The following SARDH variants were observed in gnomAD, a reference collection of about 807,000 sequenced individuals.
SARDH encodes sarcosine dehydrogenase, also known as sarcosine dehydrogenase, mitochondrial.
Under a neutral mutation model 109.1 loss-of-function variants are expected in SARDH, and 95 were observed. The observed-to-expected ratio is 0.87, with a 90% CI of 0.74 to 1.03. The LOEUF (loss-of-function observed/expected upper bound fraction) is 1.03. SARDH is among the 50% of genes least tolerant of loss of function. The pLI is 0.00. For synonymous variants in SARDH, 572 were observed against 534.8 expected, an observed-to-expected ratio of 1.07 and a Z score of -0.96; for missense variants, 1,267 against 1,287.8, an observed-to-expected ratio of 0.98 and a Z score of 0.25.
At chr9:133,676,107 C>A (rs2797833) in intron 17 of SARDH, among the ~76,000 whole-genome samples, 32,239 of 83,200 alleles carry the variant, frequency 0.39, 4,106 homozygotes, top group East Asian at 0.62. Flanking sequence ...AAAAAAAAAA[C>A]ACACACCAAA....
rs534871568 is a variant in SARDH at position 133,704,324 on chromosome 9, A to G, written c.1554+624T>C. ...GGGATTTCGATTTCTGTAAATCTGGATCAAATGCTACCCCTCAGCTGGCCT... is the reference window on the plus strand; with the variant it reads ...GGGATTTCGATTTCTGTAAATCTGGGTCAAATGCTACCCCTCAGCTGGCCT... On this transcript the variant is annotated intron_variant, in intron 12 of 20. Coordinates refer to ENST00000439388, the MANE Select transcript of SARDH (RefSeq NM_001134707.2). This position sits in a 1 kb window ranked among gnomAD's most constrained non-coding sequence, Gnocchi z 4.5. Among the ~76,000 whole-genome samples, 249 of 152,252 alleles carry G rather than the reference A, an allele frequency of 1.6e-3. No homozygotes were observed. The highest frequency in any genetic ancestry group is 5.9e-3 in the African/African-American group (245 of 41,546).
intron 17 of SARDH, among the ~76,000 whole-genome samples, chr9:133,675,864 G>A (rs1042712441): frequency 6.6e-6 from 1 of 152,342 alleles, no homozygotes; most frequent in East Asian, 1.9e-4. Flanking sequence ...GCCAAGGCAG[G>A]AGGACTGCTT....
At chr9:133,665,733 G>A (rs1470942883) in intron 20 of SARDH, among the ~76,000 whole-genome samples, 3 of 152,214 alleles carry the variant, frequency 2.0e-5, no homozygotes, top group East Asian at 3.9e-4. Context: ...GGGCCTGCGA[G>A]CTGGGCCTGC....
At position 133,719,004 on chromosome 9, in the gene SARDH, G is replaced by C; in HGVS notation, c.954C>G (p.Tyr318Ter). ...PNVRDHDASV[Y>*]LRLQGDALSV... is the part of the protein sequence containing the mutation. ...ACAAGGCATCCCCTTGGAGGCGGAG[G>C]TAGACAGAGGCATCATGATCACGGA... The change falls in exon 7 of 21, where the codon TAC becomes TAG. Residue 318 changes from tyrosine to a stop codon, truncating the protein, a stop_gained. Coordinates refer to ENST00000439388, the MANE Select transcript of SARDH (RefSeq NM_001134707.2). LOFTEE classifies it high-confidence loss of function. The C allele has an allele frequency of 6.2e-7, 1 of 1,614,226 alleles. No homozygotes were observed. Among genetic ancestry groups the C allele is most frequent in the Non-Finnish European group, 8.5e-7 (1 of 1,180,038 alleles).
chr9:133,703,106 G>T, intron 12 of SARDH, 77 bp from the exon 13 acceptor site: 1 of 1,322,592 alleles, frequency 7.6e-7, no homozygotes, highest in South Asian at 1.3e-5. Context: ...GGGTCCCGCT[G>T]AGGCTGTGAT....
At chr9:133,663,224 G>T (rs539382026), downstream of SARDH, among the ~76,000 whole-genome samples, 1 of 152,366 alleles carries the variant, frequency 6.6e-6, no homozygotes, top group South Asian at 2.1e-4. Context: ...TGGGTGAGGA[G>T]GGCACCAATC....
Position 133,718,166 on chromosome 9 carries a change from G to A in SARDH, c.1021-711C>T, listed in dbSNP as rs1832196131. On this transcript the variant is annotated intron_variant, in intron 7 of 20. Transcript: ENST00000439388. The surrounding 1 kb of genome is among the most constrained non-coding windows in gnomAD (Gnocchi z 4.2). ...GGCTCACTGCCACCTCCATCTCCCG[G>A]GTTCAAGTGATTCTCCTGCCTCAGC... Among the ~76,000 whole-genome samples the A allele has an allele frequency of 6.6e-6, 1 of 152,154 alleles. No individual in the cohort carries two copies. The highest frequency in any genetic ancestry group is 2.4e-5 in the African/African-American group (1 of 41,422).
At chr9:133,732,239 C>T (rs563144328) in intron 3 of SARDH, among the ~76,000 whole-genome samples, 184 bp downstream of exon 3, 4 of 151,992 alleles carry the variant, frequency 2.6e-5, no homozygotes, top group South Asian at 4.1e-4. Flanking sequence ...CTCATCCACA[C>T]GAGCCCCCCA....
At chr9:133,670,491 A>G (rs1172312644) in intron 19 of SARDH, 93 bp downstream of exon 19, 7 of 1,353,380 alleles carry the variant, frequency 5.2e-6, no homozygotes, top group Admixed American at 2.2e-5. Flanking sequence ...AAGTGTTGGT[A>G]CCAGGGGCTT....
At position 133,670,646 on chromosome 9, in the gene SARDH, C is replaced by T. The variant is rs1049985656; in HGVS notation, c.2433G>A (p.Glu811=). ...CTGCGGCCCGCTGCTGCTCCAGGGCCTCCCTCCCCAGGAAGGGCACCGGCG... is the reference window on the plus strand; with the variant it reads ...CTGCGGCCCGCTGCTGCTCCAGGGCTTCCCTCCCCAGGAAGGGCACCGGCG... ...LKSPVPFLGR[E]ALEQQRAAGL... The change falls in exon 19 of 21, where the codon GAG becomes GAA. Residue 811 remains glutamate (E), a synonymous_variant. Transcript: ENST00000439388. 6.3e-7 allele frequency: 1 copy of T among 1,589,428 alleles called. No individual in the cohort carries two copies. Among genetic ancestry groups the T allele is most frequent in the Non-Finnish European group, 8.6e-7 (1 of 1,168,682 alleles).
intron 13 of SARDH, among the ~76,000 whole-genome samples, chr9:133,698,502 C>T (rs1017062038): frequency 6.6e-6 from 1 of 152,230 alleles, no homozygotes; most frequent in African/African-American, 2.4e-5. Flanking sequence ...GCAGAATTCA[C>T]ATTTCTTGAT....
At chr9:133,703,094 C>A in intron 12 of SARDH, 65 bp from the exon 13 acceptor site, 1 of 1,419,944 alleles carries the variant, frequency 7.0e-7, no homozygotes, top group Non-Finnish European at 9.7e-7. Flanking sequence ...CTCCCCAGAG[C>A]GGGGTCCCGC....
chr9:133,720,008 G>A (rs984425441), intron 6 of SARDH, among the ~76,000 whole-genome samples: 1 of 152,178 alleles, frequency 6.6e-6, no homozygotes, highest in African/African-American at 2.4e-5. Context: ...CTATTCGGGA[G>A]GCTGAGGCAG....
intron 1 of SARDH, among the ~76,000 whole-genome samples, chr9:133,734,931 C>A (rs906346137): frequency 1.3e-5 from 2 of 152,030 alleles, no homozygotes; most frequent in Non-Finnish European, 2.9e-5. Flanking sequence ...CCAGGTCCTG[C>A]GGGGTGGGGA....
chr9:133,736,242 A>T, intron 1 of SARDH, among the ~76,000 whole-genome samples: 1 of 152,198 alleles, frequency 6.6e-6, no homozygotes, highest in South Asian at 2.1e-4. Flanking sequence ...CACACTCAGG[A>T]GCAGCCCCCC....
chr9:133,664,895 G>A (rs941137964), intron 20 of SARDH, among the ~76,000 whole-genome samples: 1 of 152,196 alleles, frequency 6.6e-6, no homozygotes, highest in Non-Finnish European at 1.5e-5. Context: ...ATGTCCACGG[G>A]CATGCACAAC....
At chr9:133,667,774 C>T (rs944561058) in intron 19 of SARDH, among the ~76,000 whole-genome samples, 28 of 152,216 alleles carry the variant, frequency 1.8e-4, no homozygotes, top group African/African-American at 6.7e-4. Flanking sequence ...GTTTGGGTCC[C>T]ACCTGTCCAT....
At chr9:133,669,572 A>C (rs9409878) in intron 19 of SARDH, among the ~76,000 whole-genome samples, 44,507 of 151,464 alleles carry the variant, frequency 0.29, 6,901 homozygotes, top group East Asian at 0.56. Context: ...CCTGGAATCC[A>C]AACTCTCCCA....
In SARDH at chr9:133,712,862, G is replaced by A; in HGVS notation, c.1238-153C>T. 1 of 923,206 alleles carries A rather than the reference G, an allele frequency of 1.1e-6. No homozygotes were observed. 57.2% of individuals were successfully genotyped at this position (923,206 alleles called of 1,614,324 possible). A position where few individuals can be genotyped will look rare whatever the true frequency, so the allele number is the denominator to read the frequency against. ...CACGCCTCCTGATTGGACTGCTGCT[G>A]GACTGGACCCTGGCACAGGTGCACT... On this transcript the variant is annotated intron_variant, in intron 9 of 20. Coordinates refer to ENST00000439388, the MANE Select transcript of SARDH (RefSeq NM_001134707.2). The surrounding 1 kb of genome is among the most constrained non-coding windows in gnomAD (Gnocchi z 4.1).
Sources: gnomAD v4.1 joint callset for allele counts (sites outside exome capture counted in the v4.1 genomes callset) on GRCh38, gnomAD v4.1.1 for gene constraint, Gnocchi (gnomAD v3.1) non-coding constraint, MANE v1.5 for transcripts, NCBI Gene and HGNC (gene_info 2026-07-23, HGNC 2026-07-21) for gene names.